The following HNRNPUL1 variants were observed in gnomAD, a reference collection of about 807,000 sequenced individuals.
HNRNPUL1 encodes heterogeneous nuclear ribonucleoprotein U-like protein 1.
A neutral mutation model predicts 108.5 loss-of-function variants in HNRNPUL1; 14 were observed. That is an observed-to-expected ratio of 0.13 (90% CI 0.09 to 0.20). The LOEUF (loss-of-function observed/expected upper bound fraction) is 0.20, where lower values mean the gene tolerates loss of function less well. HNRNPUL1 is among the 10% of genes least tolerant of loss of function. The pLI, the probability that HNRNPUL1 is intolerant of heterozygous loss-of-function variation, is 1.00. For missense variants in HNRNPUL1, 804 were observed against 1,168.3 expected (o/e 0.69, Z 4.55); for synonymous variants, 422 against 445.2 (o/e 0.95, Z 0.66).
chr19:41,276,235 C>T lies in HNRNPUL1; in HGVS notation c.723C>T (p.Tyr241=). The T allele has an allele frequency of 1.9e-6, 3 of 1,613,600 alleles. No individual in the cohort carries two copies. The highest frequency in any genetic ancestry group is 1.7e-5 in the Admixed American group (1 of 59,956). The part of the protein sequence containing the change: ...GYPLTIEGFA[Y]LWSGARASYG... ...CGCTCACAATTGAGGGCTTTGCATA[C>T]CTGTGGTCAGGAGCCCGTGCCAGCT... The change falls in exon 5 of 15, where the codon TAC becomes TAT. Residue 241 remains tyrosine, a synonymous_variant. Transcript: ENST00000392006.
Position 41,300,645 on chromosome 19 carries a change from A to G in HNRNPUL1, c.1519-891A>G, listed in dbSNP as rs180958600. On this transcript the variant is annotated intron_variant, in intron 10 of 14. Transcript: ENST00000392006. ...CAACAGAGGTAGGCCCCATTCCCAA[A>G]GGGCCCGACATGAAGGAGGTGTTCG... Among the ~76,000 whole-genome samples, 636 of 152,298 alleles carry G rather than the reference A, an allele frequency of 4.2e-3. 3 individuals are homozygous for G. The highest frequency in any genetic ancestry group is 7.9e-3 in the Non-Finnish European group (535 of 68,020).
At chr19:41,299,847 A>G (rs771192981) in intron 10 of HNRNPUL1, among the ~76,000 whole-genome samples, 8 of 152,038 alleles carry the variant, frequency 5.3e-5, no homozygotes, top group Non-Finnish European at 1.2e-4. Context: ...AGTTGCTTCA[A>G]GTCAACATGA....
At chr19:41,273,934 G>C in intron 3 of HNRNPUL1, 48 bp from the exon 4 acceptor site, 1 of 1,412,466 alleles carries the variant, frequency 7.1e-7, no homozygotes, top group African/African-American at 1.4e-5. Flanking sequence ...TCTTTCCTTT[G>C]TGCTCATCCA....
At chr19:41,280,974 A>G in intron 6 of HNRNPUL1, 189 bp from the exon 7 acceptor site, 1 of 547,982 alleles carries the variant, frequency 1.8e-6, no homozygotes, top group Non-Finnish European at 3.3e-6. Context: ...AAACCCATCA[A>G]GCCCTCCAAG....
Position 41,292,463 on chromosome 19 carries a change from T to G in HNRNPUL1, c.1218T>G (p.Ser406Arg). The stretch of plus-strand genomic sequence containing the variant: ...CCTTCATCCAGCACCTTCCCCTTAG[T>G]GAGCGTATCCGGGGCACCGTTGGAC... The part of the protein sequence containing the change: ...GFTFIQHLPL[S>R]ERIRGTVGPK... Residue 406 changes from serine (S) to arginine (R), a missense_variant, in exon 8 of 15, where the codon AGT becomes AGG. Physicochemically the swap from Ser to Arg is moderately radical, Grantham distance 110. This residue lies in a region of HNRNPUL1 where 174 missense variants were observed against 296.6 expected (regional missense o/e 0.59). Coordinates refer to ENST00000392006, the MANE Select transcript of HNRNPUL1 (RefSeq NM_007040.6). The surrounding 1 kb of genome is among the most constrained non-coding windows in gnomAD (Gnocchi z 4.1). 1 of 1,613,948 alleles carries G rather than the reference T, an allele frequency of 6.2e-7. No homozygotes were observed. Among genetic ancestry groups the G allele is most frequent in the Non-Finnish European group, 8.5e-7 (1 of 1,179,882 alleles).
rs1315411734 is a variant in HNRNPUL1 at position 41,294,355 on chromosome 19, C to T, written c.1284C>T (p.Gly428=). The part of the protein sequence containing the change: ...KAECEILMMV[G]LPAAGKTTWA... ...TCTTGTAGATTCTGATGATGGTGGG[C>T]CTGCCTGCTGCTGGCAAGACCACAT... Residue 428 remains glycine, a synonymous_variant, in exon 9 of 15, where the codon GGC becomes GGT. Transcript: ENST00000392006. This position sits in a 1 kb window ranked among gnomAD's most constrained non-coding sequence, Gnocchi z 4.3. The T allele has an allele frequency of 3.7e-6, 6 of 1,613,982 alleles. No individual in the cohort carries two copies. The highest frequency in any genetic ancestry group is 3.3e-5 in the Admixed American group (2 of 60,002).
intron 4 of HNRNPUL1, among the ~76,000 whole-genome samples, chr19:41,275,410 G>A (rs998460330): frequency 2.6e-5 from 4 of 152,068 alleles, no homozygotes; most frequent in East Asian, 1.9e-4. Context: ...TGGCTTAAGC[G>A]CAGGAGAACA....
At position 41,304,007 on chromosome 19, in the gene HNRNPUL1, A is replaced by T. The variant is rs1840629034; in HGVS notation, c.2008A>T (p.Asn670Tyr). 3.1e-6 allele frequency: 5 copies of T among 1,614,010 alleles called. No individual in the cohort carries two copies. The highest frequency in any genetic ancestry group is 4.2e-6 in the Non-Finnish European group (5 of 1,179,944). Residue 670 changes from asparagine (N) to tyrosine (Y), a missense_variant, in exon 13 of 15, where the codon AAC becomes TAC. By Grantham distance (143) the Asn-to-Tyr change is moderately radical (BLOSUM62 -2). This residue lies in a region of HNRNPUL1 where 294 missense variants were observed against 388.3 expected (regional missense o/e 0.76). Transcript: ENST00000392006. ...NRSGGGGYSQNRWGNNNRDNN... is the reference protein window; with the variant it reads ...NRSGGGGYSQYRWGNNNRDNN... ...CAGCGGAGGTGGTGGCTATAGCCAG[A>T]ACCGCTGGGGTAACAACAACCGGGA...
Position 41,301,524 on chromosome 19 carries a change from C to T in HNRNPUL1, c.1519-12C>T, listed in dbSNP as rs770726829. On this transcript the variant is annotated splice_polypyrimidine_tract_variant and intron_variant, in intron 10 of 14. Transcript: ENST00000392006. Reference sequence around the variant, plus strand: ...GTACCATCTCTTGCCTCTTCTGTTACCTTACCCTTAGACAAATGTTTATGG... The same window carrying T: ...GTACCATCTCTTGCCTCTTCTGTTATCTTACCCTTAGACAAATGTTTATGG... 6.2e-7 allele frequency: 1 copy of T among 1,606,874 alleles called. No individual in the cohort carries two copies. The highest frequency in any genetic ancestry group is 8.5e-7 in the Non-Finnish European group (1 of 1,177,184).
At position 41,272,255 on chromosome 19, in the gene HNRNPUL1, G is replaced by A; in HGVS notation, c.572+20G>A. ...TAGGAGGTGGGTGTATGAGGCAGCA[G>A]TCACCCTTGCTCTGGTAGGTTTCTA... On this transcript the variant is annotated intron_variant, in intron 3 of 14. Coordinates refer to ENST00000392006, the MANE Select transcript of HNRNPUL1 (RefSeq NM_007040.6). 6.2e-7 allele frequency: 1 copy of A among 1,610,872 alleles called. No individual in the cohort carries two copies. The highest frequency in any genetic ancestry group is 8.5e-7 in the Non-Finnish European group (1 of 1,178,920).
At chr19:41,265,460 C>T in intron 1 of HNRNPUL1, 4 of 1,276,416 alleles carry the variant, frequency 3.1e-6, no homozygotes, top group Non-Finnish European at 4.2e-6. Flanking sequence ...GGAGATTGAA[C>T]TAGGGGGCAC....
At chr19:41,276,113 A>T in intron 4 of HNRNPUL1, 46 bp from the exon 5 acceptor site, 1 of 1,613,024 alleles carries the variant, frequency 6.2e-7, no homozygotes, top group Non-Finnish European at 8.5e-7. Context: ...CAAGAAAACA[A>T]AACAAAATAA....
chr19:41,292,550 C>A lies in HNRNPUL1; in HGVS notation c.1266+39C>A. The stretch of plus-strand genomic sequence containing the variant: ...GAATGTATTGGTGGCCACCTTGCTG[C>A]CAAGACAGAGGAGACACACACACAC... On this transcript the variant is annotated intron_variant, in intron 8 of 14. Coordinates refer to ENST00000392006, the MANE Select transcript of HNRNPUL1 (RefSeq NM_007040.6). This position sits in a 1 kb window ranked among gnomAD's most constrained non-coding sequence, Gnocchi z 4.1. 6.3e-7 allele frequency: 1 copy of A among 1,590,038 alleles called. No individual in the cohort carries two copies. The highest frequency in any genetic ancestry group is 1.1e-5 in the South Asian group (1 of 90,550).
At chr19:41,269,030 G>T (rs12972949) in intron 2 of HNRNPUL1, among the ~76,000 whole-genome samples, 18,245 of 151,994 alleles carry the variant, frequency 0.12, 1,348 homozygotes, top group East Asian at 0.27. Context: ...ATTATTAGGG[G>T]ATTCTCAGAA....
intron 7 of HNRNPUL1, among the ~76,000 whole-genome samples, chr19:41,290,875 G>A (rs1237292656): frequency 2.0e-5 from 3 of 152,116 alleles, no homozygotes; most frequent in East Asian, 3.9e-4. Context: ...TGACCAACAT[G>A]GAGAAACCCC....
At chr19:41,282,783 G>T (rs2035978826) in intron 7 of HNRNPUL1, among the ~76,000 whole-genome samples, 1 of 147,666 alleles carries the variant, frequency 6.8e-6, no homozygotes, top group Admixed American at 6.8e-5. Context: ...TCCGCCTCCC[G>T]GGTTCACGCC....
upstream of HNRNPUL1, chr19:41,262,756 G>A (rs2034582673): frequency 6.6e-6 from 1 of 151,836 alleles, no homozygotes; most frequent in Non-Finnish European, 1.5e-5. Context: ...GATCGGAATT[G>A]GGGCCGGGCG....
In HNRNPUL1 at chr19:41,274,072, T is replaced by C; in HGVS notation, c.646+17T>C. ...TTGACACCTGTAAGTCTTTGGAGTGTGCATCTAATTCTGCCTTACAGTCAG... is the reference window on the plus strand; with the variant it reads ...TTGACACCTGTAAGTCTTTGGAGTGCGCATCTAATTCTGCCTTACAGTCAG... On this transcript the variant is annotated intron_variant, in intron 4 of 14. Coordinates refer to ENST00000392006, the MANE Select transcript of HNRNPUL1 (RefSeq NM_007040.6). 6.2e-7 allele frequency: 1 copy of C among 1,605,012 alleles called. No homozygotes were observed. The highest frequency in any genetic ancestry group is 8.5e-7 in the Non-Finnish European group (1 of 1,171,706).
At chr19:41,274,545 C>G (rs2035433348) in intron 4 of HNRNPUL1, among the ~76,000 whole-genome samples, 1 of 152,220 alleles carries the variant, frequency 6.6e-6, no homozygotes, top group Non-Finnish European at 1.5e-5. Flanking sequence ...TGCTGTCTGT[C>G]CTCCAGTTCA....
Sources: allele counts gnomAD v4.1 joint callset (sites outside exome capture counted in the v4.1 genomes callset), GRCh38; gene constraint gnomAD v4.1.1; regional missense constraint gnomAD v4.1.1; non-coding constraint Gnocchi (gnomAD v3.1); transcripts MANE v1.5; gene names NCBI Gene and HGNC (gene_info 2026-07-23, HGNC 2026-07-21).